Variants in ANKRD29 observed in about 807,000 individuals in gnomAD.
ANKRD29 encodes ankyrin repeat domain-containing protein 29.
In ANKRD29, 32 loss-of-function variants were observed where a neutral mutation model predicts 38.0. That is an observed-to-expected ratio of 0.84 (90% CI 0.64 to 1.13). ANKRD29 has a LOEUF of 1.13. ANKRD29 is among the 50% of genes most tolerant of loss of function. ANKRD29 has a pLI of 0.00. For synonymous variants in ANKRD29, 135 were observed against 152.4 expected (o/e 0.89, Z 0.84); for missense variants, 357 against 377.9 (o/e 0.94, Z 0.46).
intron 9 of ANKRD29, among the ~76,000 whole-genome samples, chr18:23,608,138 T>C (rs543175537): frequency 6.6e-6 from 1 of 152,356 alleles, no homozygotes; most frequent in Admixed American, 6.5e-5. Flanking sequence ...TATTCCCCAC[T>C]AAACTCTGAG....
intron 6 of ANKRD29, among the ~76,000 whole-genome samples, chr18:23,621,962 G>A (rs1456154199): frequency 6.6e-6 from 1 of 152,042 alleles, no homozygotes; most frequent in African/African-American, 2.4e-5. Flanking sequence ...GAGATTACAG[G>A]TGTGAGCCCA....
At chr18:23,649,865 G>A (rs919381303) in intron 1 of ANKRD29, among the ~76,000 whole-genome samples, 2 of 152,252 alleles carry the variant, frequency 1.3e-5, no homozygotes, top group Admixed American at 6.5e-5. Flanking sequence ...GAGTAGCTGG[G>A]ACTACAGGCG....
chr18:23,608,380 T>C (rs2145635100), intron 9 of ANKRD29, among the ~76,000 whole-genome samples: 1 of 152,322 alleles, frequency 6.6e-6, no homozygotes, highest in East Asian at 1.9e-4. Context: ...GTCTGAGGGC[T>C]TCTGCAGTAT....
rs1392683388 is a variant in ANKRD29, at chr18:23,600,607, T to A, written c.*619A>T. ...GAACAAATGCACAGTCTGTCTTTTCTATAGTTCAATAGTCCATCTTTGAAT... is the reference window on the plus strand; with the variant it reads ...GAACAAATGCACAGTCTGTCTTTTCAATAGTTCAATAGTCCATCTTTGAAT... On this transcript the variant is annotated 3_prime_UTR_variant, in exon 10 of 10. Transcript: ENST00000592179. The A allele has an allele frequency of 6.5e-6, 1 of 152,682 alleles. No individual in the cohort carries two copies. The highest frequency in any genetic ancestry group is 1.5e-5 in the Non-Finnish European group (1 of 68,056). 9.5% of individuals were successfully genotyped at this position (152,682 alleles called of 1,614,324 possible).
chr18:23,617,498 G>C (rs556710425), intron 8 of ANKRD29, among the ~76,000 whole-genome samples: 27 of 151,798 alleles, frequency 1.8e-4, no homozygotes, highest in African/African-American at 5.8e-4. Context: ...TACTACTGTC[G>C]ATTTTTTTTT....
At chr18:23,633,790 C>A (rs1314219135) in intron 5 of ANKRD29, among the ~76,000 whole-genome samples, 1 of 152,036 alleles carries the variant, frequency 6.6e-6, no homozygotes, top group Non-Finnish European at 1.5e-5. Context: ...AGGCTGGTCT[C>A]GAACTCCTGA....
chr18:23,624,556 T>C (rs1050046242), intron 6 of ANKRD29, among the ~76,000 whole-genome samples: 1 of 149,794 alleles, frequency 6.7e-6, no homozygotes, highest in African/African-American at 2.4e-5. Flanking sequence ...ATGATAGCTG[T>C]CTTTTACTAT....
At chr18:23,631,986 A>G (rs1005376658) in intron 5 of ANKRD29, among the ~76,000 whole-genome samples, 12 of 152,114 alleles carry the variant, frequency 7.9e-5, no homozygotes, top group Admixed American at 3.3e-4. Context: ...CACACCTCCC[A>G]TTGGGAACAC....
At chr18:23,602,814 T>A (rs1000396806) in intron 9 of ANKRD29, among the ~76,000 whole-genome samples, 10 of 151,474 alleles carry the variant, frequency 6.6e-5, no homozygotes, top group African/African-American at 2.4e-4. Context: ...ACTGAGAAAA[T>A]TTTAAAAATA....
chr18:23,632,533 G>GTGTGTATATATATATA (rs371646966), intron 5 of ANKRD29, among the ~76,000 whole-genome samples: 1 of 130,904 alleles, frequency 7.6e-6, no homozygotes, highest in Admixed American at 7.7e-5. Context: ...GTGTGTGTGT[G>GTGTGTATATATATATA]TATATATATA....
intron 9 of ANKRD29, among the ~76,000 whole-genome samples, chr18:23,603,311 T>A (rs868555466): frequency 2.0e-5 from 3 of 152,252 alleles, no homozygotes; most frequent in Non-Finnish European, 2.9e-5. Context: ...TTGTAGAATG[T>A]TGGCACATTT....
chr18:23,619,293 T>G, intron 7 of ANKRD29: 1 of 484,286 alleles, frequency 2.1e-6, no homozygotes, highest in Non-Finnish European at 3.6e-6. Context: ...AGGCCCCGTC[T>G]CTACCGCCCT....
At chr18:23,651,125 C>A (rs555953580) in intron 1 of ANKRD29, among the ~76,000 whole-genome samples, 1 of 152,330 alleles carries the variant, frequency 6.6e-6, no homozygotes, top group South Asian at 2.1e-4. Flanking sequence ...GTGAGGATTT[C>A]ATTTCAGAAG....
intron 6 of ANKRD29, among the ~76,000 whole-genome samples, chr18:23,625,792 C>T (rs1176704025): frequency 2.0e-5 from 3 of 152,128 alleles, no homozygotes; most frequent in South Asian, 4.2e-4. Flanking sequence ...TTTAAGATAT[C>T]TATATCCCCA....
At chr18:23,630,105 A>G (rs950120547) in intron 5 of ANKRD29, among the ~76,000 whole-genome samples, 154 bp from the exon 6 acceptor site, 1 of 152,184 alleles carries the variant, frequency 6.6e-6, no homozygotes, top group African/African-American at 2.4e-5. Flanking sequence ...CCTGGCCAAT[A>G]TGGTGAAATC....
intron 6 of ANKRD29, among the ~76,000 whole-genome samples, chr18:23,621,927 TC>T (rs1427027154): frequency 2.6e-5 from 4 of 151,978 alleles, no homozygotes; most frequent in Non-Finnish European, 5.9e-5. Context: ...CCAGCAATCC[TC>T]CCACCTCAGC....
At chr18:23,636,053 A>G (rs2059998827) in intron 4 of ANKRD29, among the ~76,000 whole-genome samples, 2 of 152,216 alleles carry the variant, frequency 1.3e-5, no homozygotes. Flanking sequence ...TTTCCTAGCT[A>G]ATAAAGTAAT....
chr18:23,647,023 T>C (rs2145724152), intron 2 of ANKRD29: 1 of 152,356 alleles, frequency 6.6e-6, no homozygotes, highest in African/African-American at 2.4e-5. Context: ...CTACCACCTC[T>C]GCATATTCAG....
chr18:23,660,171 A>G (rs556260852), intron 1 of ANKRD29, among the ~76,000 whole-genome samples: 1 of 152,330 alleles, frequency 6.6e-6, no homozygotes, highest in Admixed American at 6.5e-5. Flanking sequence ...CCTACCAGCA[A>G]TGCATGCAGA....
Sources: gnomAD v4.1 joint callset for allele counts (sites outside exome capture counted in the v4.1 genomes callset) on GRCh38, gnomAD v4.1.1 for gene constraint, MANE v1.5 for transcripts, NCBI Gene and HGNC (gene_info 2026-07-23, HGNC 2026-07-21) for gene names.